Variants in WASF2 observed in about 807,000 individuals in gnomAD.
WASF2 encodes the protein WASP family member 2.
In WASF2, 14 loss-of-function variants were observed where a neutral mutation model predicts 45.0. The observed-to-expected ratio is 0.31, with a 90% CI of 0.21 to 0.49. The LOEUF (loss-of-function observed/expected upper bound fraction) is 0.49, where lower values mean the gene tolerates loss of function less well. Among genes scored for constraint, WASF2 ranks in the 20% least tolerant of loss-of-function variants. The probability of loss-of-function intolerance (pLI) is 0.99; values close to 1 mark genes in which losing one functional copy is unlikely to be tolerated. For missense variants in WASF2, 439 were observed against 636.1 expected, an observed-to-expected ratio of 0.69 and a Z score of 3.33; for synonymous variants, 200 against 236.3, an observed-to-expected ratio of 0.85 and a Z score of 1.41.
intron 1 of WASF2, among the ~76,000 whole-genome samples, chr1:27,476,491 C>G (rs2017768226): frequency 6.6e-6 from 1 of 152,158 alleles, no homozygotes; most frequent in African/African-American, 2.4e-5. Flanking sequence ...CAGGCCCCAT[C>G]TCCAACACTG....
At chr1:27,472,743 T>C (rs921960230) in intron 1 of WASF2, among the ~76,000 whole-genome samples, 2 of 149,294 alleles carry the variant, frequency 1.3e-5, no homozygotes, top group Non-Finnish European at 3.0e-5. Context: ...CAAGGATTGC[T>C]TGAGGCCAGG....
chr1:27,483,023 G>T (rs1475760242), intron 1 of WASF2, among the ~76,000 whole-genome samples: 1 of 152,152 alleles, frequency 6.6e-6, no homozygotes. Flanking sequence ...GAGCACACAA[G>T]AATGAAGCAG....
At position 27,414,985 on chromosome 1, in the gene WASF2, A is replaced by T. The variant is rs2016808662; in HGVS notation, c.538-22T>A. 6.2e-7 allele frequency: 1 copy of T among 1,611,318 alleles called. No homozygotes were observed. ...CTTTCTATAATGAAAAGGAACAGGA[A>T]GGTCTTTGTAGAACATTTTCCAAGT... On this transcript the variant is annotated intron_variant, in intron 5 of 8. Transcript: ENST00000618852. The surrounding 1 kb of genome is among the most constrained non-coding windows in gnomAD (Gnocchi z 4.1).
chr1:27,411,726 G>T (rs1442737519), intron 7 of WASF2, among the ~76,000 whole-genome samples: 1 of 152,166 alleles, frequency 6.6e-6, no homozygotes, highest in Non-Finnish European at 1.5e-5. Flanking sequence ...AGCTGGGCGT[G>T]GTGGTGGGTG....
In WASF2 at chr1:27,407,149, G is replaced by A. The variant is rs2016689110; in HGVS notation, c.*1040C>T. 1 of 152,486 alleles carries A rather than the reference G, an allele frequency of 6.6e-6. No homozygotes were observed. The highest frequency in any genetic ancestry group is 6.5e-5 in the Admixed American group (1 of 15,286). The allele number at this position is 152,486 out of a possible 1,614,324, so 9.4% of individuals were successfully genotyped here. On this transcript the variant is annotated 3_prime_UTR_variant, in exon 9 of 9. Transcript: ENST00000618852. The stretch of plus-strand genomic sequence containing the variant: ...CCAACCTATGGTGAGGTCTGGAGTA[G>A]CAATACAACTGAGAAAGCTCTGCCC...
chr1:27,433,041 G>A (rs879902942), intron 1 of WASF2, among the ~76,000 whole-genome samples: 1 of 152,176 alleles, frequency 6.6e-6, no homozygotes, highest in Non-Finnish European at 1.5e-5. Context: ...GGGATTACAG[G>A]TGTAAGCCAC....
At position 27,487,378 on chromosome 1, in the gene WASF2, C is replaced by T. The variant is rs554844206; in HGVS notation, c.-44+2608G>A. Among the ~76,000 whole-genome samples, 462 of 137,162 alleles carry T rather than the reference C, an allele frequency of 3.4e-3. 3 individuals are homozygous for T. Among genetic ancestry groups the T allele is most frequent in the African/African-American group, 5.9e-3 (217 of 37,018 alleles). The allele number at this position is 137,162 out of a possible 152,430, so 90.0% of individuals were successfully genotyped here. On this transcript the variant is annotated intron_variant, in intron 1 of 8. Transcript: ENST00000618852. ...CCTCCCAGAGTGCTGGGATTACAGG[C>T]GTGAGTCACCATGCCCGGCCTATAA... is the stretch of plus-strand genomic sequence containing the variant.
At chr1:27,461,725 C>T (rs1384258812) in intron 1 of WASF2, among the ~76,000 whole-genome samples, 5 of 152,054 alleles carry the variant, frequency 3.3e-5, no homozygotes, top group South Asian at 4.1e-4. Context: ...CCACCCGCCT[C>T]GGCCTCCCAA....
At chr1:27,466,556 C>T (rs965234246) in intron 1 of WASF2, among the ~76,000 whole-genome samples, 1 of 152,156 alleles carries the variant, frequency 6.6e-6, no homozygotes, top group East Asian at 1.9e-4. Flanking sequence ...AAAGCACCAA[C>T]TTTCAAAGAT....
chr1:27,420,219 C>T (rs1464881414), intron 2 of WASF2, among the ~76,000 whole-genome samples: 2 of 152,084 alleles, frequency 1.3e-5, no homozygotes, highest in Admixed American at 6.6e-5. Flanking sequence ...TAACCTATAA[C>T]TTTCAAAGTC....
At chr1:27,475,720 T>G (rs1364246970) in intron 1 of WASF2, among the ~76,000 whole-genome samples, 2 of 152,174 alleles carry the variant, frequency 1.3e-5, no homozygotes, top group African/African-American at 2.4e-5. Flanking sequence ...CTCTGCCTCC[T>G]GGGTTCAAGT....
At chr1:27,485,500 A>C (rs1205606354) in intron 1 of WASF2, among the ~76,000 whole-genome samples, 2 of 152,172 alleles carry the variant, frequency 1.3e-5, no homozygotes. Context: ...TGTCATTCTA[A>C]AATTTCAGAG....
Position 27,419,197 on chromosome 1 carries a change from C to T in WASF2, c.131-109G>A, listed in dbSNP as rs1037605856. On this transcript the variant is annotated intron_variant, in intron 2 of 8. Transcript: ENST00000618852. Reference sequence around the variant, plus strand: ...CCTAACCCCCAAACACATACATATACACACACATACCCTAAGACGGTTTGG... The same window carrying T: ...CCTAACCCCCAAACACATACATATATACACACATACCCTAAGACGGTTTGG... 5.0e-6 allele frequency: 6 copies of T among 1,206,302 alleles called. No homozygotes were observed. The African/African-American group carries it at 9.0e-5, about 18-fold the overall frequency. 74.7% of individuals were successfully genotyped at this position (1,206,302 alleles called of 1,614,324 possible).
At chr1:27,464,650 C>T (rs2017590826) in intron 1 of WASF2, among the ~76,000 whole-genome samples, 2 of 152,164 alleles carry the variant, frequency 1.3e-5, no homozygotes, top group Admixed American at 6.6e-5. Context: ...GAGTGAGGTC[C>T]TGAGCTGATG....
intron 1 of WASF2, among the ~76,000 whole-genome samples, chr1:27,483,043 G>A (rs1035595467): frequency 1.3e-5 from 2 of 152,100 alleles, no homozygotes; most frequent in Non-Finnish European, 2.9e-5. Context: ...GAATACAAAG[G>A]CCATAATTAA....
chr1:27,422,834 G>A (rs140512420), intron 2 of WASF2, among the ~76,000 whole-genome samples: 27 of 151,920 alleles, frequency 1.8e-4, no homozygotes, highest in African/African-American at 5.6e-4. Context: ...CACATTACAT[G>A]ACTTAAGAGT....
chr1:27,454,380 T>C (rs1486883839), intron 1 of WASF2, among the ~76,000 whole-genome samples: 1 of 150,506 alleles, frequency 6.6e-6, no homozygotes, highest in Non-Finnish European at 1.5e-5. Flanking sequence ...TTGAGACTGT[T>C]TTCCTGTTGT....
At chr1:27,446,996 TGG>T in intron 1 of WASF2, among the ~76,000 whole-genome samples, 1 of 152,110 alleles carries the variant, frequency 6.6e-6, no homozygotes, top group Non-Finnish European at 1.5e-5. Flanking sequence ...TGGTGACCAA[TGG>T]TAAATAAATT....
chr1:27,459,901 G>A lies in WASF2; in HGVS notation c.-44+30085C>T, dbSNP rs145698871. On this transcript the variant is annotated intron_variant, in intron 1 of 8. Transcript: ENST00000618852. ...ATTAGAATAATTTTGAAAGTTTAGCGATTTGACTACAAATACTAGCCCTCT... is the reference window on the plus strand; with the variant it reads ...ATTAGAATAATTTTGAAAGTTTAGCAATTTGACTACAAATACTAGCCCTCT... 1.1e-3 allele frequency among the ~76,000 whole-genome samples: 171 copies of A among 152,256 alleles called. 1 individual carries two copies. The highest frequency in any genetic ancestry group is 7.3e-3 in the East Asian group (38 of 5,194).
Sources: gnomAD v4.1 joint callset for allele counts (sites outside exome capture counted in the v4.1 genomes callset) on GRCh38, gnomAD v4.1.1 for gene constraint, Gnocchi (gnomAD v3.1) non-coding constraint, MANE v1.5 for transcripts, NCBI Gene and HGNC (gene_info 2026-07-23, HGNC 2026-07-21) for gene names.